GALNT16: variants seen among roughly 807,000 people sequenced by gnomAD.
The protein encoded by GALNT16 is UDP-GalNAc:polypeptide N-acetylgalactosaminyltransferase-like protein 1.
GALNT16 carries 40 observed loss-of-function variants against 76.1 expected under a neutral mutation model. The observed-to-expected ratio is 0.53, with a 90% confidence interval of 0.41 to 0.68. GALNT16 has a LOEUF of 0.68. GALNT16 is among the 30% of genes least tolerant of loss of function. GALNT16 has a pLI of 0.00. For missense variants in GALNT16, 621 were observed against 731.9 expected, an observed-to-expected ratio of 0.85 and a Z score of 1.75; for synonymous variants, 276 against 285.2, an observed-to-expected ratio of 0.97 and a Z score of 0.32.
At chr14:69,303,316 G>A (rs1400702738) in intron 1 of GALNT16, among the ~76,000 whole-genome samples, 5 of 152,160 alleles carry the variant, frequency 3.3e-5, no homozygotes, top group Non-Finnish European at 7.3e-5. Flanking sequence ...GAACCCAAAG[G>A]GAGGGGCTGG....
Position 69,331,193 on chromosome 14 carries a change from G to A in GALNT16, c.691-271G>A, listed in dbSNP as rs548888332. 9.8e-5 allele frequency among the ~76,000 whole-genome samples: 15 copies of A among 152,336 alleles called. No homozygotes were observed. In the South Asian group the frequency reaches 3.1e-3, roughly 32 times the overall value. Reference sequence around the variant, plus strand: ...CAGCAGTCAAGGAAGGCTTCATGGAGTAGGTGAGATTCTAGCAGGGCTCAA... The same window carrying A: ...CAGCAGTCAAGGAAGGCTTCATGGAATAGGTGAGATTCTAGCAGGGCTCAA... On this transcript the variant is annotated intron_variant, in intron 6 of 14. Coordinates refer to ENST00000448469, the MANE Select transcript of GALNT16 (RefSeq NM_001168368.2).
the GALNT16 span, among the ~76,000 whole-genome samples, chr14:69,374,042 A>C: frequency 6.6e-6 from 1 of 152,142 alleles, no homozygotes; most frequent in African/African-American, 2.4e-5. Context: ...CAGCCTCCCA[A>C]TGTGCTGGGA....
intron 1 of GALNT16, among the ~76,000 whole-genome samples, chr14:69,276,680 CAAA>C (rs11290964): frequency 2.8e-5 from 4 of 142,520 alleles, no homozygotes; most frequent in Admixed American, 6.9e-5. Context: ...GACTCTATCT[CAAA>C]AAAAAAAAAA....
intron 12 of GALNT16, among the ~76,000 whole-genome samples, chr14:69,344,161 A>G (rs945131542): frequency 1.3e-5 from 2 of 152,184 alleles, no homozygotes; most frequent in African/African-American, 2.4e-5. Flanking sequence ...CTGAAAGAAG[A>G]GGCTTTTGCT....
chr14:69,379,876 G>C, the GALNT16 span, among the ~76,000 whole-genome samples: 18 of 152,142 alleles, frequency 1.2e-4, no homozygotes, highest in Non-Finnish European at 1.9e-4. Context: ...TTTATCACCA[G>C]AAAGTCATTT....
At chr14:69,332,175 T>C (rs1322185983) in intron 7 of GALNT16, among the ~76,000 whole-genome samples, 1 of 152,240 alleles carries the variant, frequency 6.6e-6, no homozygotes, top group East Asian at 1.9e-4. Flanking sequence ...ATTTTTGATA[T>C]ATTACATTAA....
At chr14:69,285,043 T>G (rs1436077069) in intron 1 of GALNT16, among the ~76,000 whole-genome samples, 2 of 147,680 alleles carry the variant, frequency 1.4e-5, no homozygotes, top group Non-Finnish European at 3.0e-5. Context: ...GGGCACTCTT[T>G]TTTTTTTTTT....
At chr14:69,318,753 T>C (rs1408148328) in intron 1 of GALNT16, among the ~76,000 whole-genome samples, 1 of 152,204 alleles carries the variant, frequency 6.6e-6, no homozygotes, top group African/African-American at 2.4e-5. Flanking sequence ...CAGCAAATCA[T>C]CCCTCTGCAG....
chr14:69,376,878 C>A, the GALNT16 span, among the ~76,000 whole-genome samples: 1 of 152,114 alleles, frequency 6.6e-6, no homozygotes, highest in Non-Finnish European at 1.5e-5. Context: ...TTGCAGGGAC[C>A]TAGAAACTAT....
intron 14 of GALNT16, chr14:69,350,461 G>A (rs2045620966): frequency 6.6e-6 from 1 of 152,248 alleles, no homozygotes; most frequent in African/African-American, 2.4e-5. Context: ...GCCTACATGA[G>A]GTAAATGTCA....
intron 1 of GALNT16, among the ~76,000 whole-genome samples, chr14:69,263,555 A>G (rs1259421919): frequency 1.3e-5 from 2 of 152,238 alleles, no homozygotes; most frequent in Non-Finnish European, 2.9e-5. Flanking sequence ...TTGGGGAATC[A>G]GAGAGCTGAG....
At chr14:69,369,063 C>T in the GALNT16 span, among the ~76,000 whole-genome samples, 1 of 152,202 alleles carries the variant, frequency 6.6e-6, no homozygotes, top group Non-Finnish European at 1.5e-5. Flanking sequence ...GGATGGGTTT[C>T]TGTCATTTGT....
chr14:69,368,896 A>C, the GALNT16 span, among the ~76,000 whole-genome samples: 1 of 152,184 alleles, frequency 6.6e-6, no homozygotes, highest in African/African-American at 2.4e-5. Context: ...CTAACACTTC[A>C]AGGGAAGCAG....
At position 69,269,380 on chromosome 14, in the gene GALNT16, C is replaced by CGTGT. The variant is rs113574682; in HGVS notation, c.177+8923_177+8926dup. Among the ~76,000 whole-genome samples the CGTGT allele has an allele frequency of 8.2e-3, 1,225 of 149,696 alleles. 7 individuals are homozygous for CGTGT. The highest frequency in any genetic ancestry group is 0.014 in the Middle Eastern group (4 of 286). The stretch of plus-strand genomic sequence containing the variant: ...TGTGATGTATGATATATGGGGCGCA[C>CGTGT]GTGTGTGTGTGTGGTGTAGTGTGTG... On this transcript the variant is annotated intron_variant, in intron 1 of 14. Coordinates refer to ENST00000448469, the MANE Select transcript of GALNT16 (RefSeq NM_001168368.2).
chr14:69,356,466 A>G (rs1197682354), downstream of GALNT16: 1 of 151,944 alleles, frequency 6.6e-6, no homozygotes, highest in Non-Finnish European at 1.5e-5. Flanking sequence ...GCGAGACCCT[A>G]TCTCTATAAA....
At chr14:69,303,370 GATAAGAA>G (rs1192403630) in intron 1 of GALNT16, among the ~76,000 whole-genome samples, 6 of 152,106 alleles carry the variant, frequency 3.9e-5, no homozygotes, top group Admixed American at 1.3e-4. Flanking sequence ...GATCAGGGCT[GATAAGAA>G]ATAGGGTAGA....
At position 69,325,371 on chromosome 14, in the gene GALNT16, G is replaced by A; in HGVS notation, c.469G>A (p.Glu157Lys). Residue 157 changes from glutamate (E) to lysine (K), a missense_variant, in exon 4 of 15, where the codon GAG (glutamate) becomes AAG (lysine). Glu to Lys is a moderately conservative substitution (Grantham distance 56). Coordinates refer to ENST00000448469, the MANE Select transcript of GALNT16 (RefSeq NM_001168368.2). ...CCGAACTCCTGCCAACTTGATCCAGGAGATCATTTTAGTGGATGACTTCAG... is the reference window on the plus strand; with the variant it reads ...CCGAACTCCTGCCAACTTGATCCAGAAGATCATTTTAGTGGATGACTTCAG... ...LNRTPANLIQEIILVDDFSSD... is the reference protein window; with the variant it reads ...LNRTPANLIQKIILVDDFSSD... 1.9e-6 allele frequency: 3 copies of A among 1,604,028 alleles called. No homozygotes were observed. Among genetic ancestry groups the A allele is most frequent in the Non-Finnish European group, 2.6e-6 (3 of 1,170,834 alleles).
chr14:69,351,796 C>T, intron 14 of GALNT16: 1 of 447,994 alleles, frequency 2.2e-6, no homozygotes, highest in Non-Finnish European at 4.0e-6. Flanking sequence ...AGGTGTAGTC[C>T]TAGCTACTCA....
downstream of GALNT16, chr14:69,356,874 ATT>A (rs144893584): frequency 0.18 from 27,913 of 151,840 alleles, 2,673 homozygotes; most frequent in South Asian, 0.26. Context: ...TGAATAAGTT[ATT>A]TCATCTCTCA....
Sources: allele counts gnomAD v4.1 joint callset (sites outside exome capture counted in the v4.1 genomes callset), GRCh38; gene constraint gnomAD v4.1.1; transcripts MANE v1.5; gene names NCBI Gene and HGNC (gene_info 2026-07-23, HGNC 2026-07-21).